Variants in CDADC1 observed in about 807,000 individuals in gnomAD.
The protein encoded by CDADC1 is cytidine and dCMP deaminase domain containing 1.
A neutral mutation model predicts 54.9 loss-of-function variants in CDADC1; 39 were observed. That is an observed-to-expected ratio of 0.71 (90% CI 0.55 to 0.93). The LOEUF is 0.93. Among genes scored for constraint, CDADC1 ranks in the 40% least tolerant of loss-of-function variants. The probability of loss-of-function intolerance (pLI) is 0.00; values close to 1 mark genes in which losing one functional copy is unlikely to be tolerated. For missense variants in CDADC1, 518 were observed against 618.8 expected, an observed-to-expected ratio of 0.84 and a Z score of 1.73; for synonymous variants, 186 against 204.0, an observed-to-expected ratio of 0.91 and a Z score of 0.75.
At chr13:49,280,919 C>T (rs1473849574) in intron 8 of CDADC1, among the ~76,000 whole-genome samples, 1 of 151,416 alleles carries the variant, frequency 6.6e-6, no homozygotes, top group African/African-American at 2.4e-5. Context: ...CTGCAGACTC[C>T]GCCTCCTGGG....
At chr13:49,250,863 C>T (rs188406264) in intron 2 of CDADC1, among the ~76,000 whole-genome samples, 50 of 152,146 alleles carry the variant, frequency 3.3e-4, no homozygotes, top group Middle Eastern at 3.4e-3. Flanking sequence ...ATCGTTATTC[C>T]ATATTTCTCA....
At chr13:49,277,046 G>A (rs1029158224) in intron 6 of CDADC1, among the ~76,000 whole-genome samples, 2 of 152,154 alleles carry the variant, frequency 1.3e-5, no homozygotes, top group Non-Finnish European at 2.9e-5. Flanking sequence ...TTCTGGCTAT[G>A]TTACTTACTC....
rs745544190 is a variant in CDADC1, at chr13:49,280,565, G to A, written c.1277G>A (p.Cys426Tyr). 5.9e-6 allele frequency: 9 copies of A among 1,520,984 alleles called. No homozygotes were observed. Among genetic ancestry groups the A allele is most frequent in the Non-Finnish European group, 7.9e-6 (9 of 1,132,102 alleles). 94.2% of individuals were successfully genotyped at this position (1,520,984 alleles called of 1,614,324 possible). Residue 426 changes from cysteine (C) to tyrosine (Y), a missense_variant, in exon 8 of 10, where the codon TGT (cysteine) becomes TAT (tyrosine). Physicochemically the swap from Cys to Tyr is radical, Grantham distance 194. Coordinates refer to ENST00000251108, the MANE Select transcript of CDADC1 (RefSeq NM_030911.4). ...ATGATTTTTGTGACAAAGTGCCCAT[G>A]TGATGAGTGTGTACCTTTAATTAAA... ...RSMIFVTKCP[C>Y]DECVPLIKGA...
In CDADC1 at chr13:49,292,261, C is replaced by T; in HGVS notation, c.*504C>T. 1.0e-6 allele frequency: 1 copy of T among 978,072 alleles called. No individual in the cohort carries two copies. Among genetic ancestry groups the T allele is most frequent in the Non-Finnish European group, 1.2e-6 (1 of 821,570 alleles). 60.6% of individuals were successfully genotyped at this position (978,072 alleles called of 1,614,324 possible). A position where few individuals can be genotyped will look rare whatever the true frequency, so the allele number is the denominator to read the frequency against. Reference sequence around the variant, plus strand: ...AAAGCTTTCTAGTAATCAGAATTTACTTAATTAGAATTGACTCATAAAAAT... The same window carrying T: ...AAAGCTTTCTAGTAATCAGAATTTATTTAATTAGAATTGACTCATAAAAAT... On this transcript the variant is annotated 3_prime_UTR_variant, in exon 10 of 10. Coordinates refer to ENST00000251108, the MANE Select transcript of CDADC1 (RefSeq NM_030911.4).
intron 4 of CDADC1, chr13:49,266,070 A>T: frequency 2.0e-6 from 1 of 500,314 alleles, no homozygotes; most frequent in Non-Finnish European, 3.1e-6. Flanking sequence ...GGGAGTGGAT[A>T]GAATGTTTAT....
chr13:49,261,654 A>G (rs951152004), intron 4 of CDADC1, among the ~76,000 whole-genome samples: 2 of 152,252 alleles, frequency 1.3e-5, no homozygotes, highest in Non-Finnish European at 2.9e-5. Flanking sequence ...TGATACAGAA[A>G]TGAAAGAATG....
chr13:49,259,649 A>G (rs928376390), intron 4 of CDADC1, 126 bp downstream of exon 4: 29 of 838,176 alleles, frequency 3.5e-5, no homozygotes, highest in Admixed American at 1.7e-4. Flanking sequence ...CCAGGAGTTC[A>G]CAAATAGCCT....
chr13:49,283,608 C>T (rs944041287), intron 8 of CDADC1, among the ~76,000 whole-genome samples: 10 of 152,030 alleles, frequency 6.6e-5, no homozygotes, highest in Non-Finnish European at 1.5e-4. Flanking sequence ...ATTTTAATAG[C>T]TTTTCAATTG....
intron 2 of CDADC1, among the ~76,000 whole-genome samples, chr13:49,249,168 T>C (rs1952365633): frequency 2.0e-5 from 3 of 152,216 alleles, no homozygotes; most frequent in Non-Finnish European, 4.4e-5. Context: ...GAGAATACCA[T>C]GTTTATCGGG....
Position 49,285,901 on chromosome 13 carries a change from C to T in CDADC1, c.1411-321C>T, listed in dbSNP as rs564776971. 1.2e-4 allele frequency among the ~76,000 whole-genome samples: 19 copies of T among 152,070 alleles called. 1 individual carries two copies. In the South Asian group the frequency reaches 2.3e-3, roughly 18 times the overall value. ...CCATCTCAGCTCACTGCAACCTCCA[C>T]CTCCCAGGTTCAAGCAATTCTCTTA... On this transcript the variant is annotated intron_variant, in intron 8 of 9. Coordinates refer to ENST00000251108, the MANE Select transcript of CDADC1 (RefSeq NM_030911.4).
intron 7 of CDADC1, among the ~76,000 whole-genome samples, chr13:49,279,696 G>A (rs577574926): frequency 6.6e-6 from 1 of 152,286 alleles, no homozygotes; most frequent in African/African-American, 2.4e-5. Flanking sequence ...CCAGGTGAAC[G>A]TAAATAACAG....
At chr13:49,272,190 A>G (rs1423074052) in intron 5 of CDADC1, among the ~76,000 whole-genome samples, 1 of 152,172 alleles carries the variant, frequency 6.6e-6, no homozygotes, top group African/African-American at 2.4e-5. Flanking sequence ...TTTAATATGG[A>G]GAATTTTTAT....
intron 2 of CDADC1, among the ~76,000 whole-genome samples, chr13:49,251,743 G>A (rs1952438587): frequency 6.6e-6 from 1 of 152,028 alleles, no homozygotes; most frequent in Non-Finnish European, 1.5e-5. Flanking sequence ...CTTTCAGTTA[G>A]CATTTTGTTA....
chr13:49,269,275 CTTTTATAAAAAGTA>C (rs1952904375), intron 5 of CDADC1, among the ~76,000 whole-genome samples: 1 of 116,188 alleles, frequency 8.6e-6, no homozygotes, highest in East Asian at 2.8e-4. Flanking sequence ...ATACTTTTTA[CTTTTATAAAAAGTA>C]CAGATGCTAT....
chr13:49,287,446 A>G (rs1291747900), intron 9 of CDADC1, among the ~76,000 whole-genome samples: 1 of 152,006 alleles, frequency 6.6e-6, no homozygotes, highest in Non-Finnish European at 1.5e-5. Flanking sequence ...CTTTTTAAAA[A>G]TTTATTAGCA....
intron 7 of CDADC1, among the ~76,000 whole-genome samples, 184 bp from the exon 8 acceptor site, chr13:49,280,320 TAACAC>T: frequency 6.6e-6 from 1 of 152,340 alleles, no homozygotes; most frequent in East Asian, 1.9e-4. Flanking sequence ...GGTTGTATCA[TAACAC>T]TTTTGTGGGT....
chr13:49,288,227 A>C (rs906639658), intron 9 of CDADC1, among the ~76,000 whole-genome samples: 1 of 152,228 alleles, frequency 6.6e-6, no homozygotes, highest in African/African-American at 2.4e-5. Flanking sequence ...GCTTTGTGAC[A>C]GTTCAACTGA....
At chr13:49,276,026 C>T (rs1212997276) in intron 6 of CDADC1, among the ~76,000 whole-genome samples, 1 of 152,000 alleles carries the variant, frequency 6.6e-6, no homozygotes, top group Non-Finnish European at 1.5e-5. Context: ...CTTGGCCTCC[C>T]AAAGTGCTGG....
chr13:49,257,319 T>C (rs1441036215), intron 3 of CDADC1, among the ~76,000 whole-genome samples: 1 of 152,202 alleles, frequency 6.6e-6, no homozygotes, highest in Non-Finnish European at 1.5e-5. Context: ...ATTTTTTTTT[T>C]TATGTTTTAT....
Sources: gnomAD v4.1 joint callset for allele counts (sites outside exome capture counted in the v4.1 genomes callset) on GRCh38, gnomAD v4.1.1 for gene constraint, MANE v1.5 for transcripts, NCBI Gene and HGNC (gene_info 2026-07-23, HGNC 2026-07-21) for gene names.